Variants in MTA3 observed in about 807,000 individuals in gnomAD.
MTA3 encodes the protein metastasis-associated protein MTA3.
Under a neutral mutation model 83.5 loss-of-function variants are expected in MTA3, and 34 were observed. The ratio of observed to expected loss-of-function variants is 0.41; its 90% CI spans 0.31 to 0.54. The LOEUF (loss-of-function observed/expected upper bound fraction) is 0.54, where lower values mean the gene tolerates loss of function less well. Ranked by LOEUF, MTA3 falls within the 20% of genes least tolerant of loss-of-function variation. The probability of loss-of-function intolerance (pLI) is 0.33; values close to 1 mark genes in which losing one functional copy is unlikely to be tolerated. For synonymous variants in MTA3, 303 were observed against 252.7 expected, an observed-to-expected ratio of 1.20 and a Z score of -1.89; for missense variants, 761 against 726.4, an observed-to-expected ratio of 1.05 and a Z score of -0.55.
rs184883561 is a variant in MTA3, at chr2:42,716,971, A to G, written c.1526-2017A>G. Among the ~76,000 whole-genome samples the G allele has an allele frequency of 2.3e-3, 354 of 151,798 alleles. 1 individual carries two copies. Among genetic ancestry groups the G allele is most frequent in the Non-Finnish European group, 3.5e-3 (235 of 67,980 alleles). ...GTGTATAGCATTTCTTTTTCTCTTC[A>G]ACCTGTTTTCTCTGCCAGCATCTGT... On this transcript the variant is annotated intron_variant, in intron 14 of 16. Coordinates refer to ENST00000405094, the MANE Select transcript of MTA3 (RefSeq NM_001330442.2).
At chr2:42,525,073 G>C (rs190250938) in intron 2 of MTA3, among the ~76,000 whole-genome samples, 1 of 151,504 alleles carries the variant, frequency 6.6e-6, no homozygotes, top group East Asian at 1.9e-4. Context: ...TCATCCTTTA[G>C]CGTTAGGTAT....
intron 2 of MTA3, among the ~76,000 whole-genome samples, chr2:42,561,183 T>C (rs1447544757): frequency 6.6e-6 from 1 of 152,128 alleles, no homozygotes; most frequent in Non-Finnish European, 1.5e-5. Flanking sequence ...TCACTCTATT[T>C]CATTATTTTA....
Position 42,755,181 on chromosome 2 carries a change from T to C in MTA3, c.*1782T>C, listed in dbSNP as rs1670157882. On this transcript the variant is annotated 3_prime_UTR_variant, in exon 17 of 17. Transcript: ENST00000405094. ...CCTAAAGAAAAAGACACAGGAAAGC[T>C]GTCTGTCTGTACCCTGCTCTGGATT... 1 of 985,500 alleles carries C rather than the reference T, an allele frequency of 1.0e-6. No individual in the cohort carries two copies. The highest frequency in any genetic ancestry group is 4.7e-5 in the South Asian group (1 of 21,288). 61.0% of individuals were successfully genotyped at this position (985,500 alleles called of 1,614,324 possible).
intron 2 of MTA3, among the ~76,000 whole-genome samples, chr2:42,515,743 C>T (rs918499095): frequency 6.6e-6 from 1 of 151,472 alleles, no homozygotes; most frequent in East Asian, 2.0e-4. Context: ...CCTCGTGATT[C>T]GCCCACCTCG....
chr2:42,602,279 AGTT>A (rs1400977581), intron 3 of MTA3, among the ~76,000 whole-genome samples: 2 of 152,148 alleles, frequency 1.3e-5, no homozygotes, highest in African/African-American at 4.8e-5. Flanking sequence ...ACCCAGCCTT[AGTT>A]GTTGTTCTCC....
rs567907474 is a variant in MTA3, at chr2:42,576,479, T to C, written c.97-2628T>C. Among the ~76,000 whole-genome samples, 134 of 152,312 alleles carry C rather than the reference T, an allele frequency of 8.8e-4. 3 individuals carry two copies. The highest frequency in any genetic ancestry group is 2.8e-3 in the African/African-American group (115 of 41,562). On this transcript the variant is annotated intron_variant, in intron 2 of 16. Coordinates refer to ENST00000405094, the MANE Select transcript of MTA3 (RefSeq NM_001330442.2). ...AATCCAAATAATGATTTAAAAATAC[T>C]TGAAGACAGGCATGGTGGCTCAGGC...
intron 2 of MTA3, chr2:42,532,960 C>T (rs1676047169): frequency 4.7e-6 from 1 of 213,040 alleles, no homozygotes; most frequent in Non-Finnish European, 9.5e-6. Flanking sequence ...GCTTAATGTG[C>T]TCAATATGCA....
At chr2:42,576,208 G>A (rs1468832689) in intron 2 of MTA3, among the ~76,000 whole-genome samples, 2 of 152,170 alleles carry the variant, frequency 1.3e-5, no homozygotes, top group East Asian at 3.8e-4. Context: ...AAGACAAGTT[G>A]ATGGGCATAA....
chr2:42,595,599 A>T (rs546727816), intron 3 of MTA3, among the ~76,000 whole-genome samples: 6 of 152,092 alleles, frequency 3.9e-5, no homozygotes, highest in Non-Finnish European at 1.5e-5. Context: ...TTAACCTTAC[A>T]TTTTTCCGTG....
intron 16 of MTA3, among the ~76,000 whole-genome samples, chr2:42,732,398 C>T (rs1446400048): frequency 6.6e-6 from 1 of 152,200 alleles, no homozygotes; most frequent in Admixed American, 6.5e-5. Context: ...CTACATTTGC[C>T]CCTTTCAGCC....
intron 1 of MTA3, 47 bp downstream of exon 1, chr2:42,568,820 G>C (rs1474831444): frequency 2.5e-6 from 3 of 1,213,046 alleles, no homozygotes; most frequent in Non-Finnish European, 3.1e-6. Context: ...CGGGTTCCGG[G>C]AGCGGGGGGC....
At chr2:42,539,061 A>T (rs1336942945) in intron 2 of MTA3, among the ~76,000 whole-genome samples, 2 of 151,984 alleles carry the variant, frequency 1.3e-5, no homozygotes, top group African/African-American at 2.4e-5. Flanking sequence ...GGCGTGAGCC[A>T]CCGCTCCCGG....
At chr2:42,623,465 T>G (rs1685771067) in intron 4 of MTA3, among the ~76,000 whole-genome samples, 1 of 152,196 alleles carries the variant, frequency 6.6e-6, no homozygotes, top group Non-Finnish European at 1.5e-5. Flanking sequence ...GGGTCTTTTC[T>G]TCAGTCCTCT....
chr2:42,566,486 C>A (rs1459832654), upstream of MTA3, among the ~76,000 whole-genome samples: 2 of 152,018 alleles, frequency 1.3e-5, no homozygotes, highest in Admixed American at 6.6e-5. Context: ...TATATAGAAT[C>A]TAGAGCAAAA....
chr2:42,553,135 G>A (rs1677197502), intron 2 of MTA3, among the ~76,000 whole-genome samples: 2 of 151,484 alleles, frequency 1.3e-5, no homozygotes, highest in South Asian at 4.2e-4. Context: ...TAAAAAATTA[G>A]GCTGGGTGGG....
chr2:42,615,674 A>C (rs575406616), intron 4 of MTA3, among the ~76,000 whole-genome samples: 1 of 146,902 alleles, frequency 6.8e-6, no homozygotes, highest in Admixed American at 6.9e-5. Context: ...TTATTCTTTA[A>C]GGAAATAAGT....
chr2:42,723,158 G>C (rs1449653508), intron 16 of MTA3, 123 bp downstream of exon 16: 2 of 1,210,208 alleles, frequency 1.7e-6, no homozygotes, highest in African/African-American at 1.5e-5. Context: ...GAAGTATGTG[G>C]TTGAGGAATA....
chr2:42,606,961 C>G (rs578161209), intron 3 of MTA3, among the ~76,000 whole-genome samples: 8 of 149,962 alleles, frequency 5.3e-5, no homozygotes, highest in South Asian at 4.3e-4. Context: ...CGCAGGCATT[C>G]GGCAGACTGA....
intron 16 of MTA3, among the ~76,000 whole-genome samples, chr2:42,726,776 A>G (rs548858742): frequency 1.3e-5 from 2 of 152,340 alleles, no homozygotes; most frequent in South Asian, 2.1e-4. Flanking sequence ...TTTTAAAGAA[A>G]GGCCTTGGTA....
Sources: gnomAD v4.1 joint callset for allele counts (sites outside exome capture counted in the v4.1 genomes callset) on GRCh38, gnomAD v4.1.1 for gene constraint, MANE v1.5 for transcripts, NCBI Gene and HGNC (gene_info 2026-07-23, HGNC 2026-07-21) for gene names.